SSC4D: variants seen among roughly 807,000 people sequenced by gnomAD.
SSC4D encodes the protein scavenger receptor cysteine rich family member with 4 domains.
SSC4D carries 57 observed loss-of-function variants against 63.4 expected under a neutral mutation model. The observed-to-expected ratio is 0.90, with a 90% confidence interval of 0.73 to 1.12. SSC4D has a LOEUF of 1.12. SSC4D is among the 50% of genes most tolerant of loss of function. SSC4D has a pLI of 0.00. For missense variants in SSC4D, 791 were observed against 806.4 expected, an observed-to-expected ratio of 0.98 and a Z score of 0.23; for synonymous variants, 352 against 345.4, an observed-to-expected ratio of 1.02 and a Z score of -0.21.
chr7:76,394,793 T>A (rs1804595233), intron 7 of SSC4D, among the ~76,000 whole-genome samples: 1 of 144,564 alleles, frequency 6.9e-6, no homozygotes, highest in African/African-American at 2.5e-5. Flanking sequence ...ATATATGATA[T>A]ATATAAATAT....
At position 76,402,332 on chromosome 7, in the gene SSC4D, G is replaced by A. The variant is rs150149357; in HGVS notation, c.134-1289C>T. Among the ~76,000 whole-genome samples the A allele has an allele frequency of 7.9e-5, 12 of 151,482 alleles. No individual in the cohort carries two copies. In the East Asian group the frequency reaches 9.8e-4, roughly 12 times the overall value. On this transcript the variant is annotated intron_variant, in intron 2 of 10. Coordinates refer to ENST00000275560, the MANE Select transcript of SSC4D (RefSeq NM_080744.2). ...GTAATTGGGACTGCAGGCGCACACC[G>A]CCACACCCAGCTAATTTTTATATTT...
intron 6 of SSC4D, among the ~76,000 whole-genome samples, chr7:76,397,136 G>A (rs1407752588): frequency 6.6e-6 from 1 of 152,132 alleles, no homozygotes; most frequent in East Asian, 1.9e-4. Context: ...TGGCTGGAGT[G>A]CAGTGGCGTC....
At chr7:76,394,847 A>ATATATATAATATATATGATATATAT (rs1491146098) in intron 7 of SSC4D, among the ~76,000 whole-genome samples, 10 of 143,274 alleles carry the variant, frequency 7.0e-5, no homozygotes, top group Non-Finnish European at 1.5e-4. Flanking sequence ...TATATATAAG[A>ATATATATAATATATATGATATATAT]TATATATAAT....
At chr7:76,405,309 A>T (rs61440534) in intron 1 of SSC4D, among the ~76,000 whole-genome samples, 1,472 of 42,266 alleles carry the variant, frequency 0.035, 91 homozygotes, top group African/African-American at 0.084. Flanking sequence ...ATATATATAT[A>T]TATATATGTA....
chr7:76,396,834 G>A (rs1306188749), intron 6 of SSC4D, among the ~76,000 whole-genome samples: 1 of 152,196 alleles, frequency 6.6e-6, no homozygotes, highest in Non-Finnish European at 1.5e-5. Context: ...TCCCAAATTG[G>A]AGAGGGCCTA....
chr7:76,390,218 A>T lies in SSC4D; in HGVS notation c.1569T>A (p.Pro523=). 1 of 1,614,142 alleles carries T rather than the reference A, an allele frequency of 6.2e-7. No homozygotes were observed. The highest frequency in any genetic ancestry group is 8.5e-7 in the Non-Finnish European group (1 of 1,179,994). Residue 523 remains proline, a synonymous_variant, in exon 11 of 11, where the codon CCT becomes CCA. Transcript: ENST00000275560. ...GGCCTGGGCCAAAGTGAGCCTCGCC[A>T]GGGGCTGCGAGGGCCTGGCCACAGC... is the stretch of plus-strand genomic sequence containing the variant. ...QLGCGQALAA[P]GEAHFGPGRG...
intron 4 of SSC4D, 54 bp from the exon 5 acceptor site, chr7:76,398,851 C>T: frequency 6.3e-7 from 1 of 1,588,084 alleles, no homozygotes; most frequent in Non-Finnish European, 8.6e-7. Flanking sequence ...ATCCTCACAC[C>T]ACGGGGTGTT....
Position 76,393,549 on chromosome 7 carries a change from C to T in SSC4D, c.1189G>A (p.Gly397Ser). ...CGPALGATGL[G>S]HFGYGRGPVL... ...GGGCCGCGGCCGTAGCCGAAGTGGC[C>T]CAGTCCCGTAGCGCCCAGCGCAGGC... The change falls in exon 9 of 11, where the codon GGC (glycine) becomes AGC (serine). Residue 397 changes from glycine to serine, a missense_variant. Physicochemically the swap from Gly to Ser is moderately conservative, Grantham distance 56. Transcript: ENST00000275560. 1 of 1,522,514 alleles carries T rather than the reference C, an allele frequency of 6.6e-7. No individual in the cohort carries two copies. The highest frequency in any genetic ancestry group is 1.2e-5 in the South Asian group (1 of 82,104). 94.3% of individuals were successfully genotyped at this position (1,522,514 alleles called of 1,614,324 possible). A position where few individuals can be genotyped will look rare whatever the true frequency, so the allele number is the denominator to read the frequency against.
At position 76,397,769 on chromosome 7, in the gene SSC4D, T is replaced by C. The variant is rs1584022779; in HGVS notation, c.617A>G (p.His206Arg). The C allele has an allele frequency of 6.2e-7, 1 of 1,612,018 alleles. No homozygotes were observed. Among genetic ancestry groups the C allele is most frequent in the Non-Finnish European group, 8.5e-7 (1 of 1,178,990 alleles). ...ACACACGGTGCCCCACAGGCCACTGTGCAGGATCTCCACTCGGCCCTGACA... is the reference window on the plus strand; with the variant it reads ...ACACACGGTGCCCCACAGGCCACTGCGCAGGATCTCCACTCGGCCCTGACA... ...NLCQGRVEIL[H>R]SGLWGTVCDD... Residue 206 changes from histidine to arginine, a missense_variant, in exon 6 of 11, where the codon CAC becomes CGC. Physicochemically the swap from His to Arg is conservative, Grantham distance 29. Coordinates refer to ENST00000275560, the MANE Select transcript of SSC4D (RefSeq NM_080744.2).
intron 4 of SSC4D, among the ~76,000 whole-genome samples, chr7:76,399,520 T>C (rs1217041593): frequency 1.3e-5 from 2 of 152,020 alleles, no homozygotes; most frequent in Admixed American, 1.3e-4. Context: ...ATGGCCAGTG[T>C]GACCCCAATA....
intron 7 of SSC4D, 144 bp downstream of exon 7, chr7:76,395,109 T>A (rs1007820555): frequency 1.2e-6 from 1 of 833,306 alleles, no homozygotes; most frequent in African/African-American, 1.7e-5. Context: ...TGCTCATAAT[T>A]GTCTCACCCA....
At chr7:76,407,708 G>A (rs1584036837) in intron 1 of SSC4D, among the ~76,000 whole-genome samples, 1 of 152,066 alleles carries the variant, frequency 6.6e-6, no homozygotes, top group African/African-American at 2.4e-5. Flanking sequence ...ACTCCAACTT[G>A]AATGACAGAG....
intron 9 of SSC4D, 82 bp from the exon 10 acceptor site, chr7:76,392,123 C>T: frequency 7.1e-7 from 1 of 1,404,494 alleles, no homozygotes; most frequent in Non-Finnish European, 9.7e-7. Flanking sequence ...CTCCTGCTCT[C>T]CCCAGGAAAG....
chr7:76,397,366 A>T (rs1804666176), intron 6 of SSC4D, 152 bp downstream of exon 6: 8 of 947,788 alleles, frequency 8.4e-6, no homozygotes, highest in Non-Finnish European at 1.1e-5. Context: ...AGATAGAAGT[A>T]ATTTTGGATG....
intron 10 of SSC4D, among the ~76,000 whole-genome samples, chr7:76,391,316 C>T (rs1272743577): frequency 1.3e-5 from 2 of 151,994 alleles, no homozygotes; most frequent in African/African-American, 4.8e-5. Context: ...TGGCACATGT[C>T]TATAATCCCA....
At chr7:76,401,154 G>T in intron 2 of SSC4D, 111 bp from the exon 3 acceptor site, 1 of 1,362,888 alleles carries the variant, frequency 7.3e-7, no homozygotes, top group Non-Finnish European at 9.8e-7. Flanking sequence ...CCATCTTCTT[G>T]GACTTCAGTA....
chr7:76,390,600 G>T (rs1804475342), intron 10 of SSC4D, among the ~76,000 whole-genome samples: 1 of 151,828 alleles, frequency 6.6e-6, no homozygotes, highest in Non-Finnish European at 1.5e-5. Context: ...GGCGGATCAC[G>T]AGATTAGGAG....
rs57439183 is a variant in SSC4D at position 76,397,245 on chromosome 7, G to C, written c.868+273C>G. On this transcript the variant is annotated intron_variant, in intron 6 of 10. Transcript: ENST00000275560. ...TTACAAGCATGCACCACCACGCCCG[G>C]CTAATTTTTGCCATGTTGGCCAGAC... 5.3e-3 allele frequency among the ~76,000 whole-genome samples: 807 copies of C among 152,274 alleles called. 11 individuals carry two copies. Among genetic ancestry groups the C allele is most frequent in the African/African-American group, 0.018 (761 of 41,558 alleles).
Position 76,397,740 on chromosome 7 carries a change from CG to C in SSC4D, c.645del (p.Asp215GlufsTer206). Reference sequence around the variant, plus strand: ...GCGGCATCCGGCAGCCCCCAGTCGTCGTCACACACGGTGCCCCACAGGCCAC... The same window carrying C: ...GCGGCATCCGGCAGCCCCCAGTCGTCTCACACACGGTGCCCCACAGGCCAC... ...LHSGLWGTVC[D>X]DDWGLPDAAV... On this transcript the variant is annotated frameshift_variant, in exon 6 of 11. Transcript: ENST00000275560. LOFTEE classifies it high-confidence loss of function. The C allele has an allele frequency of 6.2e-7, 1 of 1,613,280 alleles. No homozygotes were observed. Among genetic ancestry groups the C allele is most frequent in the Non-Finnish European group, 8.5e-7 (1 of 1,179,782 alleles).
Sources: gnomAD v4.1 joint callset for allele counts (sites outside exome capture counted in the v4.1 genomes callset) on GRCh38, gnomAD v4.1.1 for gene constraint, MANE v1.5 for transcripts, NCBI Gene and HGNC (gene_info 2026-07-23, HGNC 2026-07-21) for gene names.